Variants in MARCHF1 observed in about 807,000 individuals in gnomAD.
The protein encoded by MARCHF1 is membrane associated ring-CH-type finger 1.
Under a neutral mutation model 54.2 loss-of-function variants are expected in MARCHF1, and 40 were observed. The ratio of observed to expected loss-of-function variants is 0.74; its 90% CI spans 0.57 to 0.96. The LOEUF (loss-of-function observed/expected upper bound fraction) is 0.96. Among genes scored for constraint, MARCHF1 ranks in the 40% least tolerant of loss-of-function variants. The probability of loss-of-function intolerance (pLI) is 0.00; values close to 1 mark genes in which losing one functional copy is unlikely to be tolerated. For missense variants in MARCHF1, 586 were observed against 656.5 expected, an observed-to-expected ratio of 0.89 and a Z score of 1.17; for synonymous variants, 236 against 236.3, an observed-to-expected ratio of 1.00 and a Z score of 0.01.
intron 3 of MARCHF1, among the ~76,000 whole-genome samples, chr4:163,910,093 T>G (rs1024137449): frequency 1.3e-5 from 2 of 151,882 alleles, no homozygotes; most frequent in Admixed American, 6.6e-5. Flanking sequence ...TAGTCAAACA[T>G]CTAACATATA....
At chr4:164,298,863 A>T (rs1293509360) in intron 1 of MARCHF1, among the ~76,000 whole-genome samples, 1 of 152,108 alleles carries the variant, frequency 6.6e-6, no homozygotes, top group Non-Finnish European at 1.5e-5. Context: ...GGTTAAAGGG[A>T]ATCAAGGGAT....
At chr4:164,095,927 G>A (rs551824095) in intron 2 of MARCHF1, among the ~76,000 whole-genome samples, 2 of 152,162 alleles carry the variant, frequency 1.3e-5, no homozygotes, top group East Asian at 1.9e-4. Context: ...ATATACGGAC[G>A]AGACTGAGGA....
intron 9 of MARCHF1, chr4:163,530,714 GAGT>G (rs1172176076): frequency 2.6e-5 from 4 of 151,808 alleles, no homozygotes; most frequent in Non-Finnish European, 4.4e-5. Context: ...CTTAGTTTTT[GAGT>G]AGATTAAATA....
intron 2 of MARCHF1, among the ~76,000 whole-genome samples, chr4:164,028,653 CAT>C (rs1250878706): frequency 6.6e-6 from 1 of 152,100 alleles, no homozygotes; most frequent in African/African-American, 2.4e-5. Flanking sequence ...TGATGTGATC[CAT>C]ACCCCTAACC....
chr4:163,992,701 G>C (rs1213735472), intron 2 of MARCHF1, among the ~76,000 whole-genome samples: 4 of 149,326 alleles, frequency 2.7e-5, no homozygotes, highest in Admixed American at 6.7e-5. Flanking sequence ...CCCCAGACCT[G>C]GCAGAAAGAA....
At chr4:163,995,132 C>G (rs549441926) in intron 2 of MARCHF1, among the ~76,000 whole-genome samples, 1 of 152,140 alleles carries the variant, frequency 6.6e-6, no homozygotes, top group East Asian at 1.9e-4. Context: ...AGTCACAAGT[C>G]CAGACTTCTG....
intron 2 of MARCHF1, among the ~76,000 whole-genome samples, chr4:164,064,576 T>A (rs1754688198): frequency 6.6e-6 from 1 of 152,198 alleles, no homozygotes; most frequent in Non-Finnish European, 1.5e-5. Flanking sequence ...TTTCTAGATA[T>A]AGAACCATGT....
intron 1 of MARCHF1, among the ~76,000 whole-genome samples, chr4:164,343,310 T>A (rs1729980911): frequency 6.6e-6 from 1 of 152,126 alleles, no homozygotes; most frequent in Admixed American, 6.5e-5. Flanking sequence ...GAAATTTTTT[T>A]AAATAGTCTG....
At chr4:164,130,625 C>T (rs1252262810) in intron 1 of MARCHF1, among the ~76,000 whole-genome samples, 1 of 152,112 alleles carries the variant, frequency 6.6e-6, no homozygotes, top group Non-Finnish European at 1.5e-5. Context: ...ATAAGACTCT[C>T]ATATTATCTT....
chr4:163,779,275 T>TA (rs775082000), intron 4 of MARCHF1, among the ~76,000 whole-genome samples: 11 of 152,114 alleles, frequency 7.2e-5, no homozygotes, highest in Non-Finnish European at 1.2e-4. Flanking sequence ...CACAATGATA[T>TA]AAAAAATTGG....
intron 4 of MARCHF1, among the ~76,000 whole-genome samples, chr4:163,737,214 A>AT (rs200485998): frequency 0.64 from 27,979 of 43,558 alleles, 8,984 homozygotes; most frequent in Non-Finnish European, 0.79. Context: ...ATTTTTTTTA[A>AT]TTTTTTTTTT....
intron 1 of MARCHF1, among the ~76,000 whole-genome samples, chr4:164,154,291 G>T (rs1260342325): frequency 6.6e-6 from 1 of 152,198 alleles, no homozygotes; most frequent in Non-Finnish European, 1.5e-5. Flanking sequence ...ACCTAAGGTA[G>T]AATTAGATCT....
chr4:163,935,249 C>G (rs1283936379), intron 3 of MARCHF1, among the ~76,000 whole-genome samples: 1 of 152,166 alleles, frequency 6.6e-6, no homozygotes, highest in Non-Finnish European at 1.5e-5. Context: ...GCATTATCCT[C>G]TAACAGAAGA....
intron 5 of MARCHF1, among the ~76,000 whole-genome samples, chr4:163,643,857 A>G (rs935799764): frequency 3.3e-5 from 5 of 152,170 alleles, no homozygotes; most frequent in African/African-American, 1.2e-4. Context: ...ATCACCAAAG[A>G]AAATATGTGG....
intron 2 of MARCHF1, among the ~76,000 whole-genome samples, chr4:163,992,090 G>C (rs75349031): frequency 8.4e-6 from 1 of 118,454 alleles, no homozygotes; most frequent in Admixed American, 8.6e-5. Flanking sequence ...AAAAAAAAAG[G>C]CCTCCAAAGC....
chr4:164,242,210 G>C (rs1310004669), intron 1 of MARCHF1, among the ~76,000 whole-genome samples: 2 of 141,812 alleles, frequency 1.4e-5, no homozygotes, highest in Non-Finnish European at 3.1e-5. Context: ...AGTAACCTCC[G>C]CAGACTTAAA....
chr4:163,783,507 A>G (rs1747528495), intron 4 of MARCHF1, among the ~76,000 whole-genome samples: 1 of 152,142 alleles, frequency 6.6e-6, no homozygotes, highest in Non-Finnish European at 1.5e-5. Context: ...TACCTTGAGT[A>G]CCTCACTGTC....
intron 1 of MARCHF1, among the ~76,000 whole-genome samples, chr4:164,237,588 T>C (rs1003601712): frequency 6.6e-6 from 1 of 152,028 alleles, no homozygotes; most frequent in East Asian, 1.9e-4. Context: ...ATATCAGAAA[T>C]AAAATTTTAT....
At chr4:163,734,103 G>A (rs969153191) in intron 4 of MARCHF1, among the ~76,000 whole-genome samples, 3 of 152,138 alleles carry the variant, frequency 2.0e-5, no homozygotes, top group Non-Finnish European at 4.4e-5. Flanking sequence ...TCCACAGTGA[G>A]ATACCACTAT....
Sources: allele counts gnomAD v4.1 joint callset (sites outside exome capture counted in the v4.1 genomes callset), GRCh38; gene constraint gnomAD v4.1.1; transcripts MANE v1.5; gene names NCBI Gene and HGNC (gene_info 2026-07-23, HGNC 2026-07-21).